FBN2: variants seen among roughly 807,000 people sequenced by gnomAD.
FBN2 encodes fibrillin 2, also known as fibrillin-2.
A neutral mutation model predicts 355.6 loss-of-function variants in FBN2; 105 were observed. The observed-to-expected ratio is 0.30, with a 90% CI of 0.25 to 0.35. The LOEUF (loss-of-function observed/expected upper bound fraction) is 0.35, where lower values mean the gene tolerates loss of function less well. Among genes scored for constraint, FBN2 ranks in the 10% least tolerant of loss-of-function variants. The pLI is 1.00. For missense variants in FBN2, 3,280 were observed against 3,758.7 expected, an observed-to-expected ratio of 0.87 and a Z score of 3.33; for synonymous variants, 1,350 against 1,301.2, an observed-to-expected ratio of 1.04 and a Z score of -0.81.
At chr5:128,486,730 G>T (rs753286831) in intron 5 of FBN2, among the ~76,000 whole-genome samples, 1 of 151,802 alleles carries the variant, frequency 6.6e-6, no homozygotes, top group Non-Finnish European at 1.5e-5. Flanking sequence ...CCATTAACTC[G>T]CCGTTTACAT....
chr5:128,264,253 T>C (rs2126796385), intron 62 of FBN2, among the ~76,000 whole-genome samples: 1 of 152,348 alleles, frequency 6.6e-6, no homozygotes, highest in South Asian at 2.1e-4. Context: ...ACCTTCATTA[T>C]ACAGGAGGAG....
Position 128,393,240 on chromosome 5 carries a change from C to T in FBN2, c.1360G>A (p.Gly454Arg). ...PSGNGNGYGP[G>R]GTGFIPIPGG... ...GGGATGGGGATGAAGCCTGTCCCTC[C>T]TGGGCCATAGCCATTGCCATTGCCA... is the stretch of plus-strand genomic sequence containing the variant. The change falls in exon 10 of 65, where the codon GGA (glycine) becomes AGA (arginine). Residue 454 changes from glycine (G) to arginine (R), a missense_variant. By Grantham distance (125) the Gly-to-Arg change is moderately radical. Coordinates refer to ENST00000262464, the MANE Select transcript of FBN2 (RefSeq NM_001999.4). 6.2e-7 allele frequency: 1 copy of T among 1,614,182 alleles called. No individual in the cohort carries two copies. Among genetic ancestry groups the T allele is most frequent in the Non-Finnish European group, 8.5e-7 (1 of 1,180,028 alleles).
chr5:128,368,510 A>ATATATACACATATATATAC (rs1751843883), intron 16 of FBN2, among the ~76,000 whole-genome samples: 2 of 148,326 alleles, frequency 1.3e-5, no homozygotes, highest in Non-Finnish European at 1.5e-5. Flanking sequence ...ATATATATAT[A>ATATATACACATATATATAC]ATCAAATTGA....
intron 7 of FBN2, among the ~76,000 whole-genome samples, chr5:128,437,244 A>G (rs1753788507): frequency 6.6e-6 from 1 of 152,214 alleles, no homozygotes; most frequent in South Asian, 2.1e-4. Flanking sequence ...AATGCCCATC[A>G]ATGGGAAAGC....
chr5:128,349,523 A>G (rs970952791), intron 22 of FBN2, 51 bp from the exon 23 acceptor site: 20 of 1,601,302 alleles, frequency 1.2e-5, no homozygotes, highest in Non-Finnish European at 1.5e-5. Flanking sequence ...AAATAGAAAA[A>G]GCAGGTGTGG....
intron 61 of FBN2, 23 bp downstream of exon 61, chr5:128,273,817 A>G: frequency 6.2e-7 from 1 of 1,611,540 alleles, no homozygotes; most frequent in Non-Finnish European, 8.5e-7. Flanking sequence ...TTAGATTAAG[A>G]ATTTTTGAGC....
chr5:128,501,672 CTAAA>C (rs1171659525), intron 5 of FBN2, among the ~76,000 whole-genome samples: 14 of 151,804 alleles, frequency 9.2e-5, no homozygotes, highest in African/African-American at 2.7e-4. Context: ...AACAAAAGGG[CTAAA>C]TAAAGTCTAA....
intron 11 of FBN2, among the ~76,000 whole-genome samples, chr5:128,390,635 C>T (rs542807350): frequency 3.3e-5 from 5 of 152,278 alleles, no homozygotes; most frequent in Admixed American, 3.3e-4. Context: ...TGAAGCACCA[C>T]GAGTGCCTGT....
Position 128,271,879 on chromosome 5 carries a change from G to A in FBN2, c.7960+120C>T, listed in dbSNP as rs967573846. 2.6e-6 allele frequency: 3 copies of A among 1,142,586 alleles called. No individual in the cohort carries two copies. In the African/African-American group the frequency reaches 4.6e-5, roughly 17 times the overall value. 70.8% of individuals were successfully genotyped at this position (1,142,586 alleles called of 1,614,324 possible). ...TCCCCATGCATCAGTCTTAAGGACTGGGTTTAAAGTCTAAAATTCAAAGGC... is the reference window on the plus strand; with the variant it reads ...TCCCCATGCATCAGTCTTAAGGACTAGGTTTAAAGTCTAAAATTCAAAGGC... On this transcript the variant is annotated intron_variant, in intron 62 of 64. Coordinates refer to ENST00000262464, the MANE Select transcript of FBN2 (RefSeq NM_001999.4).
intron 41 of FBN2, 86 bp downstream of exon 41, chr5:128,309,161 A>C: frequency 1.4e-6 from 2 of 1,425,078 alleles, no homozygotes; most frequent in South Asian, 2.3e-5. Flanking sequence ...CTCTAGTTTT[A>C]GCATGCAGTG....
At chr5:128,425,338 A>G (rs2127022148) in intron 7 of FBN2, among the ~76,000 whole-genome samples, 1 of 152,304 alleles carries the variant, frequency 6.6e-6, no homozygotes, top group East Asian at 1.9e-4. Flanking sequence ...TTTTAAATAA[A>G]GGGAATTTAA....
At chr5:128,383,418 C>T (rs1752286849) in intron 11 of FBN2, among the ~76,000 whole-genome samples, 1 of 152,000 alleles carries the variant, frequency 6.6e-6, no homozygotes, top group Admixed American at 6.6e-5. Context: ...GCAAAGATTT[C>T]CTAGACACAA....
chr5:128,442,344 G>T (rs1220650149), intron 7 of FBN2: 1 of 456,602 alleles, frequency 2.2e-6, no homozygotes, highest in South Asian at 1.5e-5. Context: ...AAGGACATCT[G>T]GCTCCTGCTT....
chr5:128,487,180 A>G (rs562319218), intron 5 of FBN2, among the ~76,000 whole-genome samples: 291 of 152,320 alleles, frequency 1.9e-3, no homozygotes, highest in Middle Eastern at 3.4e-3. Context: ...GCAAGTCACC[A>G]TCCGGCTCTT....
intron 48 of FBN2, 118 bp downstream of exon 48, chr5:128,300,699 G>A (rs11959932): frequency 2.0e-6 from 2 of 1,025,438 alleles, no homozygotes; most frequent in African/African-American, 3.1e-5. Flanking sequence ...GCAGCTATAT[G>A]TTTAATTCCT....
chr5:128,535,722 AT>A (rs1554076358), intron 2 of FBN2, among the ~76,000 whole-genome samples: 1 of 151,670 alleles, frequency 6.6e-6, no homozygotes, highest in Non-Finnish European at 1.5e-5. Flanking sequence ...GAGATACAGA[AT>A]TTTTCAAGGT....
At chr5:128,340,580 A>C (rs968778079) in intron 25 of FBN2, among the ~76,000 whole-genome samples, 2 of 152,158 alleles carry the variant, frequency 1.3e-5, no homozygotes, top group African/African-American at 4.8e-5. Flanking sequence ...TCTTTGGCTA[A>C]TGTGATGTGG....
chr5:128,414,412 TAGTTTA>T (rs1257515420), intron 7 of FBN2, among the ~76,000 whole-genome samples: 1 of 152,176 alleles, frequency 6.6e-6, no homozygotes, highest in Admixed American at 6.5e-5. Flanking sequence ...TTCTTTCACT[TAGTTTA>T]TGTTTTCAAG....
rs1755151413 is a variant in FBN2, at chr5:128,480,470, A to G, written c.629-15549T>C. On this transcript the variant is annotated intron_variant, in intron 5 of 64. Transcript: ENST00000262464. ...AGTATGGATATAACAGGGGAGCTTT[A>G]CTTATAGTGTATGATGTAGATGTGT... Among the ~76,000 whole-genome samples, 3 of 152,246 alleles carry G rather than the reference A, an allele frequency of 2.0e-5. No individual in the cohort carries two copies. In the South Asian group the frequency reaches 6.2e-4, roughly 32 times the overall value.
Sources: gnomAD v4.1 joint callset for allele counts (sites outside exome capture counted in the v4.1 genomes callset) on GRCh38, gnomAD v4.1.1 for gene constraint, MANE v1.5 for transcripts, NCBI Gene and HGNC (gene_info 2026-07-23, HGNC 2026-07-21) for gene names.